The following IAH1 variants were observed in gnomAD, a reference collection of about 807,000 sequenced individuals.
IAH1 encodes the protein isoamyl acetate-hydrolyzing esterase 1 homolog.
In IAH1, 24 loss-of-function variants were observed where a neutral mutation model predicts 26.7. The ratio of observed to expected loss-of-function variants is 0.90; its 90% CI spans 0.65 to 1.26. The LOEUF (loss-of-function observed/expected upper bound fraction) is 1.26, where lower values mean the gene tolerates loss of function less well. Ranked by LOEUF, IAH1 falls within the 50% of genes most tolerant of loss-of-function variation. IAH1 has a pLI of 0.00. For synonymous variants in IAH1, 140 were observed against 118.5 expected (o/e 1.18, Z -1.18); for missense variants, 300 against 299.9 (o/e 1.00, Z 0.00).
At chr2:9,494,815 C>CAA in exon 6 of IAH1, 3 of 1,604,120 alleles carry the variant, frequency 1.9e-6, no homozygotes, top group Non-Finnish European at 2.6e-6. Context: ...TGAGACCTGC[C>CAA]TCTCCTCCTG....
intron 1 of IAH1, chr2:9,475,735 A>G (rs1043541271): frequency 3.6e-6 from 2 of 548,008 alleles, no homozygotes; most frequent in Non-Finnish European, 6.5e-6. Flanking sequence ...TCGAGACCTC[A>G]TGTGATCCGC....
chr2:9,481,770 GC>G lies in IAH1; in HGVS notation c.445+324del, dbSNP rs1311458797. On this transcript the variant is annotated intron_variant, in intron 4 of 5. Coordinates refer to ENST00000497473, the MANE Select transcript of IAH1 (RefSeq NM_001039613.3). ...TGTGTAGAGCTGTGGTGCTCGGCCTGCGGGGGCTGATGCTGATGTGCCTTGA... is the reference window on the plus strand; with the variant it reads ...TGTGTAGAGCTGTGGTGCTCGGCCTGGGGGGCTGATGCTGATGTGCCTTGA... Among the ~76,000 whole-genome samples the G allele has an allele frequency of 8.2e-5, 12 of 145,916 alleles. No homozygotes were observed. In the South Asian group the frequency reaches 1.3e-3, roughly 16 times the overall value.
the IAH1 span, chr2:9,502,313 A>G: frequency 6.5e-7 from 1 of 1,529,900 alleles, no homozygotes; most frequent in Non-Finnish European, 9.0e-7. Flanking sequence ...GAGCAATTCA[A>G]ATTATGGCCC....
intron 3 of IAH1, chr2:9,480,972 G>A: frequency 4.6e-6 from 1 of 216,274 alleles, no homozygotes; most frequent in Non-Finnish European, 9.1e-6. Context: ...TTTGAACCTA[G>A]GCCGTCTCAC....
Position 9,489,253 on chromosome 2 carries a change from T to C in IAH1, c.*924T>C, listed in dbSNP as rs932619770. On this transcript the variant is annotated 3_prime_UTR_variant, in exon 6 of 6. Coordinates refer to ENST00000497473, the MANE Select transcript of IAH1 (RefSeq NM_001039613.3). ...ATTTTAAATATTCTAGGTTTGTAGA[T>C]AGTGAATTTTTTTTTTTTTTTTTTT... The C allele has an allele frequency of 1.4e-5, 2 of 145,680 alleles. No homozygotes were observed. Among genetic ancestry groups the C allele is most frequent in the Admixed American group, 7.0e-5 (1 of 14,386 alleles). 9.0% of individuals were successfully genotyped at this position (145,680 alleles called of 1,614,324 possible).
chr2:9,499,115 T>TC (rs894954783), downstream of IAH1, among the ~76,000 whole-genome samples: 21 of 35,874 alleles, frequency 5.9e-4, no homozygotes, highest in South Asian at 9.1e-3. Context: ...TTCTTCTTCT[T>TC]TTTTTTTTTT....
At chr2:9,481,911 T>C (rs1333137583) in intron 4 of IAH1, among the ~76,000 whole-genome samples, 1 of 152,220 alleles carries the variant, frequency 6.6e-6, no homozygotes, top group African/African-American at 2.4e-5. Flanking sequence ...TCAAGTGCTG[T>C]GTTTTCAATC....
At chr2:9,474,508 G>A, upstream of IAH1, 2 of 1,078,080 alleles carry the variant, frequency 1.9e-6, no homozygotes, top group Non-Finnish European at 1.2e-6. The surrounding 1 kb of genome is among the most constrained non-coding windows in gnomAD (Gnocchi z 4.3). Context: ...CCCACGGGCG[G>A]CCACTGCGCA....
At chr2:9,481,196 GAAT>G in intron 3 of IAH1, 87 bp from the exon 4 acceptor site, 1 of 1,380,810 alleles carries the variant, frequency 7.2e-7, no homozygotes, top group East Asian at 2.3e-5. Flanking sequence ...GTGACATCAT[GAAT>G]AACAGGCATT....
chr2:9,487,724 C>T (rs1661610028), intron 5 of IAH1, among the ~76,000 whole-genome samples: 1 of 151,524 alleles, frequency 6.6e-6, no homozygotes, highest in Non-Finnish European at 1.5e-5. Flanking sequence ...TGTCGCAGGG[C>T]CACAAATGAG....
chr2:9,509,464 A>G, the IAH1 span, among the ~76,000 whole-genome samples: 1 of 152,198 alleles, frequency 6.6e-6, no homozygotes, highest in Non-Finnish European at 1.5e-5. Context: ...TACATGCCAG[A>G]TACTCCTACT....
downstream of IAH1, chr2:9,492,839 G>T: frequency 7.0e-7 from 1 of 1,428,534 alleles, no homozygotes; most frequent in Non-Finnish European, 9.6e-7. Flanking sequence ...GAGATTACAT[G>T]GTTGGAGTTG....
At chr2:9,499,651 C>A (rs998695428), downstream of IAH1, among the ~76,000 whole-genome samples, 5 of 152,118 alleles carry the variant, frequency 3.3e-5, no homozygotes, top group Non-Finnish European at 7.4e-5. Context: ...ATCTGCCCAC[C>A]TCGGCCTCCC....
chr2:9,490,159 GAA>G, downstream of IAH1: 2 of 1,574,286 alleles, frequency 1.3e-6, no homozygotes, highest in Non-Finnish European at 1.7e-6. Context: ...ACTTAAGTCA[GAA>G]GAGCTGAGAA....
At chr2:9,495,743 C>T (rs1006503938) in intron 6 of IAH1, among the ~76,000 whole-genome samples, 18 of 151,466 alleles carry the variant, frequency 1.2e-4, no homozygotes, top group African/African-American at 4.1e-4. Context: ...TTTCATCATT[C>T]ACTAATTTAT....
upstream of IAH1, chr2:9,474,443 C>G: frequency 2.0e-6 from 1 of 498,430 alleles, no homozygotes; most frequent in Non-Finnish European, 3.4e-6. The surrounding 1 kb of genome is among the most constrained non-coding windows in gnomAD (Gnocchi z 4.3). Context: ...GGGGCAACGA[C>G]CTTCGCGCGT....
Position 9,474,601 on chromosome 2 carries a change from C to A in IAH1, c.35C>A (p.Ala12Asp). ...ALCEAAGCGS[A>D]LLWPRLLLFG... ...TGCGAGGCCGCGGGCTGCGGGAGTG[C>A]CCTGCTCTGGCCTCGCTTGTTGCTC... is the stretch of plus-strand genomic sequence containing the variant. Residue 12 changes from alanine (A) to aspartate (D), a missense_variant, in exon 1 of 6, where the codon GCC becomes GAC. By Grantham distance (126) the Ala-to-Asp change is moderately radical. Coordinates refer to ENST00000497473, the MANE Select transcript of IAH1 (RefSeq NM_001039613.3). The surrounding 1 kb of genome is among the most constrained non-coding windows in gnomAD (Gnocchi z 4.3). The A allele has an allele frequency of 1.3e-6, 2 of 1,538,728 alleles. No individual in the cohort carries two copies. Among genetic ancestry groups the A allele is most frequent in the East Asian group, 2.6e-5 (1 of 38,122 alleles).
At chr2:9,475,020 C>T (rs1204471691) in intron 1 of IAH1, 1 of 1,104,266 alleles carries the variant, frequency 9.1e-7, no homozygotes, top group Non-Finnish European at 1.1e-6. Flanking sequence ...CGACCGCGCG[C>T]TGTGTCCCAG....
rs776105545 is a variant in IAH1 at position 9,488,274 on chromosome 2, G to A, written c.692G>A (p.Arg231Gln). ...CTACCTTTGCTGCTTCCTTACTGGC[G>A]GGATGTAGCAGAAGCAAAACCTGAA... Reference protein sequence around the residue: ...SSLPLLLPYWRDVAEAKPELS... With the variant: ...SSLPLLLPYWQDVAEAKPELS... Residue 231 changes from arginine to glutamine, a missense_variant, in exon 6 of 6, where the codon CGG (arginine) becomes CAG (glutamine). Physicochemically the swap from Arg to Gln is conservative, Grantham distance 43 (BLOSUM62 1). Coordinates refer to ENST00000497473, the MANE Select transcript of IAH1 (RefSeq NM_001039613.3). The A allele has an allele frequency of 2.9e-5, 46 of 1,613,204 alleles. No individual in the cohort carries two copies. Among genetic ancestry groups the A allele is most frequent in the Admixed American group, 2.2e-4 (13 of 59,674 alleles).
Sources: gnomAD v4.1 joint callset for allele counts (sites outside exome capture counted in the v4.1 genomes callset) on GRCh38, gnomAD v4.1.1 for gene constraint, Gnocchi (gnomAD v3.1) non-coding constraint, MANE v1.5 for transcripts, NCBI Gene and HGNC (gene_info 2026-07-23, HGNC 2026-07-21) for gene names.